Variants in INPP5A observed in about 807,000 individuals in gnomAD.
INPP5A encodes the protein 43 kDa inositol polyphosphate 5-phophatase.
INPP5A carries 14 observed loss-of-function variants against 65.2 expected under a neutral mutation model. That is an observed-to-expected ratio of 0.21 (90% confidence interval 0.14 to 0.34). INPP5A has a LOEUF of 0.34. INPP5A is among the 10% of genes least tolerant of loss of function. The pLI, the probability that INPP5A is intolerant of heterozygous loss-of-function variation, is 1.00. For synonymous variants in INPP5A, 207 were observed against 208.3 expected (o/e 0.99, Z 0.05); for missense variants, 431 against 545.6 (o/e 0.79, Z 2.09).
intron 4 of INPP5A, among the ~76,000 whole-genome samples, chr10:132,654,822 GCCT>G (rs1466151256): frequency 6.6e-6 from 1 of 152,216 alleles, no homozygotes; most frequent in Non-Finnish European, 1.5e-5. Flanking sequence ...CTGAAGCTGC[GCCT>G]GGCGCGTGAG....
intron 1 of INPP5A, 57 bp from the exon 2 acceptor site, chr10:132,607,858 C>G: frequency 6.6e-7 from 1 of 1,524,664 alleles, no homozygotes; most frequent in Non-Finnish European, 9.0e-7. Context: ...TGTCCTGGCT[C>G]TGTTTAGGGC....
Position 132,538,049 on chromosome 10 carries a change from GGCCGCCGCC to G in INPP5A, c.-38_-30del. The stretch of plus-strand genomic sequence containing the variant: ...CCGGCCGGCCGGTCCCGGAGGAAGC[GGCCGCCGCC>G]GCCGCCGCCCAGCCCAGCGCCCGCG... On this transcript the variant is annotated 5_prime_UTR_variant, in exon 1 of 16. Transcript: ENST00000368594. This position sits in a 1 kb window ranked among gnomAD's most constrained non-coding sequence, Gnocchi z 4.1. 2 of 964,196 alleles carry G rather than the reference GGCCGCCGCC, an allele frequency of 2.1e-6. No individual in the cohort carries two copies. Among genetic ancestry groups the G allele is most frequent in the Non-Finnish European group, 2.5e-6 (2 of 802,288 alleles). 59.7% of individuals were successfully genotyped at this position (964,196 alleles called of 1,614,324 possible).
rs189047742 is a variant in INPP5A at position 132,762,443 on chromosome 10, C to T, written c.904-3330C>T. ...AAATACACACCAGGAGAAGTGGAGGCGTTCAGTCAAAGAGCTGGTGGAAAA... is the reference window on the plus strand; with the variant it reads ...AAATACACACCAGGAGAAGTGGAGGTGTTCAGTCAAAGAGCTGGTGGAAAA... On this transcript the variant is annotated intron_variant, in intron 11 of 15. Coordinates refer to ENST00000368594, the MANE Select transcript of INPP5A (RefSeq NM_005539.5). This position sits in a 1 kb window ranked among gnomAD's most constrained non-coding sequence, Gnocchi z 4.6. Among the ~76,000 whole-genome samples, 96 of 152,198 alleles carry T rather than the reference C, an allele frequency of 6.3e-4. 1 individual carries two copies. Among genetic ancestry groups the T allele is most frequent in the East Asian group, 5.0e-3 (26 of 5,186 alleles).
At chr10:132,556,338 G>C (rs1261364559) in intron 1 of INPP5A, among the ~76,000 whole-genome samples, 1 of 152,170 alleles carries the variant, frequency 6.6e-6, no homozygotes, top group Non-Finnish European at 1.5e-5. Context: ...CTGTTCGGCT[G>C]TCACATGGGC....
chr10:132,647,884 A>G (rs1182931873), intron 3 of INPP5A, among the ~76,000 whole-genome samples: 5 of 152,242 alleles, frequency 3.3e-5, no homozygotes, highest in Non-Finnish European at 5.9e-5. Flanking sequence ...TCAGTCTAAA[A>G]TATAGGAGAA....
chr10:132,609,626 T>C (rs573929756), intron 2 of INPP5A, among the ~76,000 whole-genome samples: 1 of 152,248 alleles, frequency 6.6e-6, no homozygotes, highest in South Asian at 2.1e-4. Context: ...GAAAACTGTC[T>C]GCTGCTTTTG....
rs920161201 is a variant in INPP5A, at chr10:132,564,465, G to C, written c.75+26294G>C. Among the ~76,000 whole-genome samples the C allele has an allele frequency of 2.6e-5, 4 of 152,132 alleles. No homozygotes were observed. In the East Asian group the frequency reaches 7.7e-4, roughly 29 times the overall value. On this transcript the variant is annotated intron_variant, in intron 1 of 15. Transcript: ENST00000368594. ...CCAGGGTCTCCCAGAGCCCCTGGCT[G>C]CCTCCCTGGGCTGTGCGGCCCCTCC...
intron 1 of INPP5A, among the ~76,000 whole-genome samples, chr10:132,576,750 C>T (rs1340980387): frequency 2.6e-5 from 4 of 152,230 alleles, no homozygotes; most frequent in African/African-American, 9.6e-5. Flanking sequence ...TTAAGCAGAT[C>T]TCTGATGCAC....
intron 2 of INPP5A, among the ~76,000 whole-genome samples, chr10:132,615,091 T>A (rs2072013469): frequency 6.6e-6 from 1 of 152,200 alleles, no homozygotes; most frequent in African/African-American, 2.4e-5. Context: ...CAGGCTGCAC[T>A]CAGATGGAGG....
intron 1 of INPP5A, among the ~76,000 whole-genome samples, chr10:132,558,312 G>A (rs12355773): frequency 0.087 from 13,300 of 152,190 alleles, 649 homozygotes; most frequent in Middle Eastern, 0.11. Flanking sequence ...TCTCCCCCCC[G>A]GCCCACGCTC....
chr10:132,640,258 C>CACCTCACTGCTCAGAGCCT (rs1389323010), intron 2 of INPP5A, among the ~76,000 whole-genome samples: 4 of 152,256 alleles, frequency 2.6e-5, no homozygotes, highest in Non-Finnish European at 4.4e-5. Context: ...GGTCAGAGCC[C>CACCTCACTGCTCAGAGCCT]ACCTCACTGC....
intron 2 of INPP5A, among the ~76,000 whole-genome samples, chr10:132,608,707 G>T (rs2071898366): frequency 6.6e-6 from 1 of 152,242 alleles, no homozygotes; most frequent in Admixed American, 6.5e-5. Context: ...GGTGAGGTCA[G>T]CTTCAGGATG....
At chr10:132,558,027 G>T (rs2071149357) in intron 1 of INPP5A, among the ~76,000 whole-genome samples, 1 of 152,214 alleles carries the variant, frequency 6.6e-6, no homozygotes, top group South Asian at 2.1e-4. Context: ...AAAGTGAGAA[G>T]ATTCTCACCC....
At chr10:132,621,943 A>G (rs1013157581) in intron 2 of INPP5A, among the ~76,000 whole-genome samples, 1 of 152,210 alleles carries the variant, frequency 6.6e-6, no homozygotes, top group Non-Finnish European at 1.5e-5. Flanking sequence ...CAAAAGTCAT[A>G]CAGATTTGAA....
chr10:132,681,576 C>T (rs2073045632), intron 4 of INPP5A, among the ~76,000 whole-genome samples: 1 of 152,224 alleles, frequency 6.6e-6, no homozygotes, highest in South Asian at 2.1e-4. Flanking sequence ...AAGAACCCAC[C>T]AATTCCGGAC....
intron 4 of INPP5A, among the ~76,000 whole-genome samples, chr10:132,655,946 C>A (rs923304929): frequency 6.6e-6 from 1 of 152,274 alleles, no homozygotes; most frequent in Non-Finnish European, 1.5e-5. Context: ...AGCCTTGTGG[C>A]TGGCTGGGCA....
At chr10:132,775,551 G>A (rs1431363973) in intron 12 of INPP5A, among the ~76,000 whole-genome samples, 1 of 152,078 alleles carries the variant, frequency 6.6e-6, no homozygotes, top group African/African-American at 2.4e-5. Context: ...CTGGGTGTTG[G>A]GGGCCACAGG....
intron 11 of INPP5A, among the ~76,000 whole-genome samples, chr10:132,757,617 G>GC (rs1846649526): frequency 6.6e-6 from 1 of 152,256 alleles, no homozygotes; most frequent in Non-Finnish European, 1.5e-5. Context: ...CTGTGTGTGT[G>GC]CAGAACCCTT....
At chr10:132,712,704 G>A (rs1223540463) in intron 8 of INPP5A, among the ~76,000 whole-genome samples, 1 of 151,174 alleles carries the variant, frequency 6.6e-6, no homozygotes, top group African/African-American at 2.4e-5. Context: ...GCATGTGTGG[G>A]TGCATGTGAG....
Sources: allele counts gnomAD v4.1 joint callset (sites outside exome capture counted in the v4.1 genomes callset), GRCh38; gene constraint gnomAD v4.1.1; non-coding constraint Gnocchi (gnomAD v3.1); transcripts MANE v1.5; gene names NCBI Gene and HGNC (gene_info 2026-07-23, HGNC 2026-07-21).